Variants in CDH4 observed in about 807,000 individuals in gnomAD.
The protein encoded by CDH4 is cadherin-4.
CDH4 carries 33 observed loss-of-function variants against 86.0 expected under a neutral mutation model. That is an observed-to-expected ratio of 0.38 (90% CI 0.29 to 0.51). CDH4 has a LOEUF of 0.51. Ranked by LOEUF, CDH4 falls within the 20% of genes least tolerant of loss-of-function variation. The pLI is 0.86. For synonymous variants in CDH4, 555 were observed against 549.4 expected, an observed-to-expected ratio of 1.01 and a Z score of -0.14; for missense variants, 1,114 against 1,307.4, an observed-to-expected ratio of 0.85 and a Z score of 2.28.
chr20:61,397,424 G>T (rs948828393), intron 2 of CDH4, among the ~76,000 whole-genome samples: 1 of 144,370 alleles, frequency 6.9e-6, no homozygotes, highest in South Asian at 2.2e-4. Flanking sequence ...GCTTCCTTGC[G>T]CATATCACAT....
chr20:61,415,844 T>C (rs1390132386), intron 2 of CDH4, among the ~76,000 whole-genome samples: 1 of 151,878 alleles, frequency 6.6e-6, no homozygotes, highest in African/African-American at 2.4e-5. Flanking sequence ...GGATTACAGG[T>C]GTGCGCCACC....
chr20:61,409,868 G>C (rs945934387), intron 2 of CDH4, among the ~76,000 whole-genome samples: 2 of 152,228 alleles, frequency 1.3e-5, no homozygotes, highest in African/African-American at 4.8e-5. Flanking sequence ...CGGTTGGGGG[G>C]CTTATAGCAG....
chr20:61,795,935 C>T (rs1367918133), intron 4 of CDH4, among the ~76,000 whole-genome samples: 1 of 152,144 alleles, frequency 6.6e-6, no homozygotes, highest in African/African-American at 2.4e-5. Flanking sequence ...AGTACGAGAA[C>T]CTTTGCTGAG....
intron 2 of CDH4, among the ~76,000 whole-genome samples, chr20:61,606,131 G>T (rs1020400332): frequency 6.6e-6 from 1 of 152,172 alleles, no homozygotes; most frequent in Non-Finnish European, 1.5e-5. Context: ...CGGGCTGAAC[G>T]GCAAAGAGTG....
chr20:61,911,110 C>A (rs1469040635), intron 9 of CDH4, among the ~76,000 whole-genome samples: 2 of 152,166 alleles, frequency 1.3e-5, no homozygotes, highest in African/African-American at 2.4e-5. Flanking sequence ...AGAGACAGGT[C>A]TTATGATGCT....
At position 61,619,240 on chromosome 20, in the gene CDH4, T is replaced by TAGCCCC. The variant is rs765293489; in HGVS notation, c.170-124307_170-124302dup. ...TGACTGGACACTTGCTGGATGAAAC[T>TAGCCCC]AGCCCCAGCCCCAGCCCCAGCTGCC... On this transcript the variant is annotated intron_variant, in intron 2 of 15. Coordinates refer to ENST00000614565, the MANE Select transcript of CDH4 (RefSeq NM_001794.5). Among the ~76,000 whole-genome samples, 6 of 152,072 alleles carry TAGCCCC rather than the reference T, an allele frequency of 3.9e-5. No individual in the cohort carries two copies. The South Asian group carries it at 6.2e-4, about 16-fold the overall frequency.
At chr20:61,350,587 G>A (rs2084706068) in intron 2 of CDH4, among the ~76,000 whole-genome samples, 2 of 150,952 alleles carry the variant, frequency 1.3e-5, no homozygotes, top group South Asian at 4.2e-4. Flanking sequence ...GTGCTGCAGA[G>A]GCCAGCGGGA....
At chr20:61,819,525 G>T (rs1173823182) in intron 4 of CDH4, among the ~76,000 whole-genome samples, 1 of 152,226 alleles carries the variant, frequency 6.6e-6, no homozygotes, top group Non-Finnish European at 1.5e-5. Flanking sequence ...TACAAAGGCG[G>T]CCGGGCTGCA....
chr20:61,688,478 G>T (rs548119579), intron 2 of CDH4, among the ~76,000 whole-genome samples: 7 of 152,166 alleles, frequency 4.6e-5, no homozygotes, highest in Non-Finnish European at 7.3e-5. Context: ...GGGTCTTCAC[G>T]TGCCCTGCCC....
chr20:61,591,725 G>A (rs1009495996), intron 2 of CDH4, among the ~76,000 whole-genome samples: 24 of 152,150 alleles, frequency 1.6e-4, no homozygotes, highest in African/African-American at 5.6e-4. Context: ...TTCTCTGAAT[G>A]GATCTTTAAC....
chr20:61,431,110 G>A (rs761950002), intron 2 of CDH4, among the ~76,000 whole-genome samples: 2 of 152,202 alleles, frequency 1.3e-5, no homozygotes, highest in African/African-American at 2.4e-5. Flanking sequence ...AGCGCAGCAC[G>A]CACAGATCCA....
intron 3 of CDH4, among the ~76,000 whole-genome samples, chr20:61,770,046 G>A (rs777928508): frequency 6.6e-5 from 10 of 152,278 alleles, no homozygotes; most frequent in East Asian, 1.9e-4. Flanking sequence ...TGGTCTGGGC[G>A]AGGAAAGCAT....
At chr20:61,812,797 T>C (rs759235314) in intron 4 of CDH4, among the ~76,000 whole-genome samples, 102 of 152,218 alleles carry the variant, frequency 6.7e-4, no homozygotes, top group Non-Finnish European at 1.4e-3. Context: ...CCTCAACTAC[T>C]GTATCCCAAA....
chr20:61,351,087 G>A (rs886256344), intron 2 of CDH4, among the ~76,000 whole-genome samples: 5 of 152,132 alleles, frequency 3.3e-5, no homozygotes, highest in African/African-American at 9.7e-5. Flanking sequence ...CTCCATCCCC[G>A]GGCAGCCCGT....
At position 61,708,578 on chromosome 20, in the gene CDH4, G is replaced by T. The variant is rs1278388569; in HGVS notation, c.170-34985G>T. Among the ~76,000 whole-genome samples the T allele has an allele frequency of 3.3e-5, 5 of 152,024 alleles. No individual in the cohort carries two copies. Among genetic ancestry groups the T allele is most frequent in the African/African-American group, 9.7e-5 (4 of 41,400 alleles). ...CTTTGCCCCCCACTTCCCCAGCCCT[G>T]CTCCCTCCAGCCTCATGCCCCTTGT... On this transcript the variant is annotated intron_variant, in intron 2 of 15. Transcript: ENST00000614565. This position sits in a 1 kb window ranked among gnomAD's most constrained non-coding sequence, Gnocchi z 4.5.
intron 2 of CDH4, among the ~76,000 whole-genome samples, chr20:61,400,736 C>A (rs2085045091): frequency 6.6e-6 from 1 of 152,154 alleles, no homozygotes; most frequent in East Asian, 1.9e-4. Flanking sequence ...GGTGGGACAA[C>A]AAGGGCTCCT....
chr20:61,615,152 T>C (rs756909353), intron 2 of CDH4, among the ~76,000 whole-genome samples: 19 of 151,836 alleles, frequency 1.3e-4, no homozygotes, highest in African/African-American at 1.9e-4. Flanking sequence ...AGACAGAGTC[T>C]CACTCTGTCA....
intron 2 of CDH4, among the ~76,000 whole-genome samples, chr20:61,490,293 G>A (rs925468619): frequency 6.6e-6 from 1 of 152,232 alleles, no homozygotes; most frequent in African/African-American, 2.4e-5. Flanking sequence ...CTGCTAGGGT[G>A]TGCAGCCACA....
intron 2 of CDH4, among the ~76,000 whole-genome samples, chr20:61,664,973 G>A (rs1317389606): frequency 6.6e-6 from 1 of 152,224 alleles, no homozygotes; most frequent in Non-Finnish European, 1.5e-5. Context: ...CAGAAAATAA[G>A]TTTGACAGTT....
Sources: gnomAD v4.1 joint callset for allele counts (sites outside exome capture counted in the v4.1 genomes callset) on GRCh38, gnomAD v4.1.1 for gene constraint, Gnocchi (gnomAD v3.1) non-coding constraint, MANE v1.5 for transcripts, NCBI Gene and HGNC (gene_info 2026-07-23, HGNC 2026-07-21) for gene names.